The following HMCN1 variants were observed in gnomAD, a reference collection of about 807,000 sequenced individuals.
HMCN1 encodes the protein hemicentin-1.
In HMCN1, 321 loss-of-function variants were observed where a neutral mutation model predicts 625.9. The ratio of observed to expected loss-of-function variants is 0.51; its 90% CI spans 0.47 to 0.56. HMCN1 has a LOEUF of 0.56. HMCN1 is among the 20% of genes least tolerant of loss of function. HMCN1 has a pLI of 0.00. For synonymous variants in HMCN1, 2,425 were observed against 2,417.6 expected (o/e 1.00, Z -0.09); for missense variants, 6,588 against 6,887.3 (o/e 0.96, Z 1.54).
chr1:185,768,945 C>T (rs1170325511), intron 1 of HMCN1, among the ~76,000 whole-genome samples: 4 of 152,050 alleles, frequency 2.6e-5, no homozygotes, highest in Admixed American at 2.6e-4. Context: ...ATATAATTTA[C>T]AAAATATCTG....
chr1:185,914,536 ACTTGT>A (rs1269119643), intron 6 of HMCN1, among the ~76,000 whole-genome samples: 4 of 151,878 alleles, frequency 2.6e-5, no homozygotes, highest in Non-Finnish European at 2.9e-5. Flanking sequence ...ATCTTCTATC[ACTTGT>A]CTTTACATTT....
At chr1:185,977,412 ATCT>A (rs1198305705) in intron 15 of HMCN1, among the ~76,000 whole-genome samples, 2 of 152,182 alleles carry the variant, frequency 1.3e-5, no homozygotes, top group Non-Finnish European at 2.9e-5. Context: ...TGTCAAAAAT[ATCT>A]TATTATAAAG....
intron 24 of HMCN1, among the ~76,000 whole-genome samples, chr1:185,995,793 G>A (rs1652745504): frequency 3.3e-5 from 5 of 152,098 alleles, no homozygotes; most frequent in Admixed American, 3.3e-4. Context: ...AGATCCTCTG[G>A]ACTGGAAAGA....
intron 40 of HMCN1, among the ~76,000 whole-genome samples, chr1:186,042,369 A>G (rs998995201): frequency 6.6e-6 from 1 of 152,162 alleles, no homozygotes; most frequent in African/African-American, 2.4e-5. Flanking sequence ...ATGTAACACA[A>G]TAGTTCTTCA....
At chr1:185,897,156 C>T (rs1665537095) in intron 4 of HMCN1, among the ~76,000 whole-genome samples, 1 of 152,136 alleles carries the variant, frequency 6.6e-6, no homozygotes, top group Non-Finnish European at 1.5e-5. Flanking sequence ...TCTTTGGAAT[C>T]TATTTTCTCT....
At position 186,164,539 on chromosome 1, in the gene HMCN1, G is replaced by A. The variant is rs150334539; in HGVS notation, c.15257-572G>A. 7.3e-3 allele frequency among the ~76,000 whole-genome samples: 1,105 copies of A among 152,152 alleles called. 6 individuals carry two copies. The highest frequency in any genetic ancestry group is 0.012 in the Non-Finnish European group (803 of 68,008). Reference sequence around the variant, plus strand: ...ATTACAGGCATGAGCCACCATGCCCGGCTAACTTAAATCTTTTCTATCACA... The same window carrying A: ...ATTACAGGCATGAGCCACCATGCCCAGCTAACTTAAATCTTTTCTATCACA... On this transcript the variant is annotated intron_variant, in intron 97 of 106. Coordinates refer to ENST00000271588, the MANE Select transcript of HMCN1 (RefSeq NM_031935.3).
chr1:185,824,012 T>C (rs1309044745), intron 1 of HMCN1, among the ~76,000 whole-genome samples: 1 of 152,314 alleles, frequency 6.6e-6, no homozygotes, highest in Non-Finnish European at 1.5e-5. Context: ...TATGGGGAAC[T>C]GACATGGCAT....
At chr1:186,049,932 A>G (rs1247466198) in intron 42 of HMCN1, among the ~76,000 whole-genome samples, 2 of 151,902 alleles carry the variant, frequency 1.3e-5, no homozygotes, top group Non-Finnish European at 2.9e-5. Flanking sequence ...AAAAGTTACT[A>G]TATGGTAAAT....
intron 93 of HMCN1, among the ~76,000 whole-genome samples, chr1:186,147,838 G>A (rs2102564225): frequency 6.6e-6 from 1 of 152,324 alleles, no homozygotes. Context: ...TCTTTTAGCT[G>A]GCAGAGGGTC....
intron 99 of HMCN1, 135 bp downstream of exon 99, chr1:186,166,438 A>G: frequency 8.9e-7 from 1 of 1,123,520 alleles, no homozygotes; most frequent in Non-Finnish European, 1.3e-6. Flanking sequence ...GAAGGTCTCC[A>G]TTGGGCTGAG....
rs558143017 is a variant in HMCN1, at chr1:185,866,565, C to T, written c.621+702C>T. Among the ~76,000 whole-genome samples, 214 of 151,754 alleles carry T rather than the reference C, an allele frequency of 1.4e-3. 1 individual carries two copies. Among genetic ancestry groups the T allele is most frequent in the African/African-American group, 5.0e-3 (208 of 41,412 alleles). ...GACTACAGGCGCCCACCACCACGCC[C>T]GGCTAATTTTTTTTGTATTTTTAGT... On this transcript the variant is annotated intron_variant, in intron 4 of 106. Transcript: ENST00000271588.
intron 2 of HMCN1, among the ~76,000 whole-genome samples, chr1:185,854,422 A>G (rs1473315837): frequency 1.3e-5 from 2 of 152,158 alleles, no homozygotes; most frequent in Non-Finnish European, 2.9e-5. Context: ...GACCTGAGTA[A>G]CACTAGTTAA....
Position 186,001,347 on chromosome 1 carries a change from G to C in HMCN1, c.4119G>C (p.Leu1373Phe). 6.2e-7 allele frequency: 1 copy of C among 1,612,028 alleles called. No homozygotes were observed. The highest frequency in any genetic ancestry group is 8.5e-7 in the Non-Finnish European group (1 of 1,178,514). Reference protein sequence around the residue: ...DKEQVTNVSVLLNQLTNLFCE... With the variant: ...DKEQVTNVSVFLNQLTNLFCE... Reference sequence around the variant, plus strand: ...AACAAGTTACAAATGTGTCGGTGTTGTTAAATCAGCTGACCAATCTCTTCT... The same window carrying C: ...AACAAGTTACAAATGTGTCGGTGTTCTTAAATCAGCTGACCAATCTCTTCT... Residue 1373 changes from leucine (L) to phenylalanine (F), a missense_variant, in exon 27 of 107, where the codon TTG (leucine) becomes TTC (phenylalanine). Physicochemically the swap from Leu to Phe is conservative, Grantham distance 22. Transcript: ENST00000271588.
intron 36 of HMCN1, among the ~76,000 whole-genome samples, chr1:186,026,239 A>G (rs1413568974): frequency 1.3e-5 from 2 of 152,208 alleles, no homozygotes; most frequent in African/African-American, 4.8e-5. Context: ...CTTCAAAAAG[A>G]CCTCAGTGGT....
intron 87 of HMCN1, 121 bp downstream of exon 87, chr1:186,137,058 A>G: frequency 8.3e-7 from 1 of 1,198,838 alleles, no homozygotes; most frequent in Non-Finnish European, 1.2e-6. Context: ...GATGATGGGG[A>G]GAGGACAAAA....
chr1:185,897,865 G>A (rs1665575829), intron 4 of HMCN1, among the ~76,000 whole-genome samples: 1 of 152,062 alleles, frequency 6.6e-6, no homozygotes, highest in African/African-American at 2.4e-5. Flanking sequence ...CTCCCCTCTA[G>A]ACTGAATGTT....
chr1:186,087,890 A>G (rs780441413), intron 60 of HMCN1, 42 bp from the exon 61 acceptor site: 4 of 1,535,878 alleles, frequency 2.6e-6, no homozygotes, highest in East Asian at 2.3e-5. Flanking sequence ...TTGGTCATCT[A>G]TAACTTAATG....
intron 103 of HMCN1, among the ~76,000 whole-genome samples, chr1:186,177,595 G>T (rs1053438328): frequency 2.6e-5 from 4 of 151,804 alleles, no homozygotes; most frequent in Admixed American, 6.6e-5. Context: ...GAATTAGGAG[G>T]GCAAAGATGC....
At chr1:185,908,774 C>A (rs1183399760) in intron 4 of HMCN1, among the ~76,000 whole-genome samples, 1 of 150,210 alleles carries the variant, frequency 6.7e-6, no homozygotes, top group Non-Finnish European at 1.5e-5. Context: ...AAAAATGACT[C>A]TTTTAGTGAC....
Sources: allele counts gnomAD v4.1 joint callset (sites outside exome capture counted in the v4.1 genomes callset), GRCh38; gene constraint gnomAD v4.1.1; transcripts MANE v1.5; gene names NCBI Gene and HGNC (gene_info 2026-07-23, HGNC 2026-07-21).